The following DLGAP1 variants were observed in gnomAD, a reference collection of about 807,000 sequenced individuals.
The protein encoded by DLGAP1 is DLG associated protein 1, also known as disks large-associated protein 1.
A neutral mutation model predicts 90.8 loss-of-function variants in DLGAP1; 11 were observed. The observed-to-expected ratio is 0.12, with a 90% confidence interval of 0.08 to 0.20. DLGAP1 has a LOEUF of 0.20. Among genes scored for constraint, DLGAP1 ranks in the 10% least tolerant of loss-of-function variants. DLGAP1 has a pLI of 1.00. For synonymous variants in DLGAP1, 558 were observed against 540.7 expected (o/e 1.03, Z -0.44); for missense variants, 1,050 against 1,333.8 (o/e 0.79, Z 3.31).
chr18:4,276,610 T>A (rs914562033), intron 1 of DLGAP1, among the ~76,000 whole-genome samples: 2 of 151,320 alleles, frequency 1.3e-5, no homozygotes, highest in Non-Finnish European at 2.9e-5. Flanking sequence ...CACTCCAGCC[T>A]GGATGACAGA....
At chr18:4,392,698 A>G (rs1383221111) in intron 1 of DLGAP1, among the ~76,000 whole-genome samples, 1 of 152,082 alleles carries the variant, frequency 6.6e-6, no homozygotes, top group Non-Finnish European at 1.5e-5. Flanking sequence ...CATGGATTTA[A>G]ACATCATTTT....
intron 1 of DLGAP1, among the ~76,000 whole-genome samples, chr18:4,417,650 A>T (rs1219742347): frequency 6.6e-6 from 1 of 152,182 alleles, no homozygotes; most frequent in African/African-American, 2.4e-5. Flanking sequence ...TCCAGAGTGA[A>T]GGGCAATTAA....
intron 1 of DLGAP1, among the ~76,000 whole-genome samples, chr18:4,259,212 G>A (rs74811004): frequency 0.017 from 2,586 of 152,292 alleles, 72 homozygotes; most frequent in African/African-American, 0.059. Flanking sequence ...TCTAGAGACA[G>A]CGGAGGTGAA....
At chr18:4,451,249 C>G (rs1023767554) in intron 1 of DLGAP1, among the ~76,000 whole-genome samples, 5 of 152,146 alleles carry the variant, frequency 3.3e-5, no homozygotes, top group Admixed American at 6.5e-5. Flanking sequence ...AACAGAAGAC[C>G]TCAAAGGGAT....
At chr18:3,628,952 G>A (rs1196480642) in intron 7 of DLGAP1, among the ~76,000 whole-genome samples, 1 of 152,126 alleles carries the variant, frequency 6.6e-6, no homozygotes, top group Non-Finnish European at 1.5e-5. Flanking sequence ...TTCCTGTCCT[G>A]TATTTGGCAC....
At chr18:4,226,490 T>C (rs1263599871) in intron 1 of DLGAP1, among the ~76,000 whole-genome samples, 2 of 151,900 alleles carry the variant, frequency 1.3e-5, no homozygotes, top group Non-Finnish European at 2.9e-5. Context: ...CAAAAACTTT[T>C]CAAGGCATAG....
chr18:3,798,885 C>G, intron 5 of DLGAP1, among the ~76,000 whole-genome samples: 1 of 148,908 alleles, frequency 6.7e-6, no homozygotes, highest in Non-Finnish European at 1.5e-5. Flanking sequence ...TTCTTTCTTT[C>G]TCTTTTGAGA....
chr18:3,807,681 A>G (rs1355997970), intron 5 of DLGAP1, among the ~76,000 whole-genome samples: 8 of 152,138 alleles, frequency 5.3e-5, no homozygotes, highest in Non-Finnish European at 8.8e-5. Flanking sequence ...TGCTGCACCT[A>G]TCAACCCATC....
intron 1 of DLGAP1, among the ~76,000 whole-genome samples, chr18:4,217,080 T>C (rs2077973848): frequency 6.6e-6 from 1 of 152,100 alleles, no homozygotes; most frequent in Non-Finnish European, 1.5e-5. Flanking sequence ...ACTGATCTTT[T>C]TTCTGCCTGT....
At chr18:3,558,722 T>C (rs1599231737) in intron 9 of DLGAP1, among the ~76,000 whole-genome samples, 2 of 152,224 alleles carry the variant, frequency 1.3e-5, no homozygotes, top group Non-Finnish European at 2.9e-5. Context: ...ATTTTCTCTT[T>C]TTCCATTCCT....
At chr18:3,779,521 T>C (rs2148108895) in intron 5 of DLGAP1, among the ~76,000 whole-genome samples, 1 of 152,320 alleles carries the variant, frequency 6.6e-6, no homozygotes, top group East Asian at 1.9e-4. Flanking sequence ...ACTGCACTGC[T>C]GTGGACAAGA....
chr18:3,657,191 C>T (rs2059523263), intron 7 of DLGAP1, among the ~76,000 whole-genome samples: 1 of 152,176 alleles, frequency 6.6e-6, no homozygotes, highest in South Asian at 2.1e-4. Context: ...ATCATTTAGG[C>T]TGAACAAAAA....
At chr18:4,448,499 T>G (rs1172299481) in intron 1 of DLGAP1, among the ~76,000 whole-genome samples, 1 of 152,140 alleles carries the variant, frequency 6.6e-6, no homozygotes, top group Non-Finnish European at 1.5e-5. Context: ...TGTTTTCAAT[T>G]ATCTATAAAG....
rs183864405 is a variant in DLGAP1, at chr18:3,862,813, G to C, written c.957+16299C>G. On this transcript the variant is annotated intron_variant, in intron 4 of 12. Coordinates refer to ENST00000315677, the MANE Select transcript of DLGAP1 (RefSeq NM_004746.4). ...AAATGAAGAAAAAGAAGTTTTAATG[G>C]TGGAATGATTTATTTAATGCCACAC... Among the ~76,000 whole-genome samples, 348 of 152,326 alleles carry C rather than the reference G, an allele frequency of 2.3e-3. 2 individuals carry two copies. Among genetic ancestry groups the C allele is most frequent in the African/African-American group, 7.8e-3 (325 of 41,582 alleles).
At chr18:4,150,422 T>C (rs970091450) in intron 2 of DLGAP1, among the ~76,000 whole-genome samples, 10 of 152,026 alleles carry the variant, frequency 6.6e-5, no homozygotes, top group Admixed American at 5.2e-4. Context: ...ATGGAGTCTC[T>C]CTCTGTCACC....
chr18:4,441,137 G>C (rs987273262), intron 1 of DLGAP1, among the ~76,000 whole-genome samples: 1 of 152,162 alleles, frequency 6.6e-6, no homozygotes, highest in Non-Finnish European at 1.5e-5. Context: ...TCTCTAAATT[G>C]TGTCCTTATT....
intron 1 of DLGAP1, among the ~76,000 whole-genome samples, chr18:4,376,042 A>G (rs958988046): frequency 6.6e-6 from 1 of 152,178 alleles, no homozygotes; most frequent in Non-Finnish European, 1.5e-5. Context: ...TATAGATTAT[A>G]CAAGGAGAAG....
intron 1 of DLGAP1, among the ~76,000 whole-genome samples, chr18:4,372,345 A>C (rs2081933897): frequency 6.6e-6 from 1 of 152,240 alleles, no homozygotes; most frequent in Admixed American, 6.5e-5. Flanking sequence ...GCACTATGGA[A>C]GGCAGTGGCA....
chr18:3,583,180 A>ACCTT lies in DLGAP1; in HGVS notation c.1592-933_1592-932insAAGG, dbSNP rs1447719277. 1.7e-3 allele frequency among the ~76,000 whole-genome samples: 226 copies of ACCTT among 132,868 alleles called. 1 individual carries two copies. Among genetic ancestry groups the ACCTT allele is most frequent in the African/African-American group, 6.4e-3 (204 of 31,872 alleles). 87.2% of individuals were successfully genotyped at this position (132,868 alleles called of 152,430 possible). A position where few individuals can be genotyped will look rare whatever the true frequency, so the allele number is the denominator to read the frequency against. On this transcript the variant is annotated intron_variant, in intron 7 of 12. Coordinates refer to ENST00000315677, the MANE Select transcript of DLGAP1 (RefSeq NM_004746.4). ...TACCTACCTACCTACCTACCTACCT[A>ACCTT]CCTACCTTCCTTCCTTCCTTCCTTC...
Sources: allele counts gnomAD v4.1 joint callset (sites outside exome capture counted in the v4.1 genomes callset), GRCh38; gene constraint gnomAD v4.1.1; transcripts MANE v1.5; gene names NCBI Gene and HGNC (gene_info 2026-07-23, HGNC 2026-07-21).